Variants in BRINP3 observed in about 807,000 individuals in gnomAD.
BRINP3 encodes BMP/retinoic acid-inducible neural-specific protein 3.
A neutral mutation model predicts 71.0 loss-of-function variants in BRINP3; 19 were observed. That is an observed-to-expected ratio of 0.27 (90% confidence interval 0.19 to 0.39). BRINP3 has a LOEUF of 0.39. Ranked by LOEUF, BRINP3 falls within the 10% of genes least tolerant of loss-of-function variation. The pLI is 1.00. For synonymous variants in BRINP3, 380 were observed against 337.7 expected, an observed-to-expected ratio of 1.13 and a Z score of -1.37; for missense variants, 959 against 940.8, an observed-to-expected ratio of 1.02 and a Z score of -0.25.
intron 2 of BRINP3, among the ~76,000 whole-genome samples, chr1:190,364,842 A>T (rs1417833121): frequency 6.6e-6 from 1 of 152,160 alleles, no homozygotes; most frequent in Non-Finnish European, 1.5e-5. Flanking sequence ...AAGTCTAAAG[A>T]TATAATTTGA....
chr1:190,373,954 A>G (rs2102207462), intron 2 of BRINP3, among the ~76,000 whole-genome samples: 1 of 151,296 alleles, frequency 6.6e-6, no homozygotes, highest in Non-Finnish European at 1.5e-5. Flanking sequence ...AGCGTAGCCC[A>G]AGAAGCTATT....
chr1:190,253,788 A>T lies in BRINP3; in HGVS notation c.618+11077T>A, dbSNP rs1030214868. 5.3e-5 allele frequency among the ~76,000 whole-genome samples: 8 copies of T among 151,194 alleles called. 1 individual carries two copies. Among genetic ancestry groups the T allele is most frequent in the Admixed American group, 3.3e-4 (5 of 15,138 alleles). ...CGAAGTTCTTTAGTTTAATTTGTGT[A>T]TTTTGGCTTTTGTTGCCATTGCTTT... is the stretch of plus-strand genomic sequence containing the variant. On this transcript the variant is annotated intron_variant, in intron 4 of 7. Coordinates refer to ENST00000367462, the MANE Select transcript of BRINP3 (RefSeq NM_199051.3).
chr1:190,132,448 G>A (rs1654620287), intron 7 of BRINP3, among the ~76,000 whole-genome samples: 2 of 151,972 alleles, frequency 1.3e-5, no homozygotes, highest in African/African-American at 4.8e-5. Flanking sequence ...TCATTTCAAT[G>A]TATCTTTATC....
rs147137449 is a variant in BRINP3 at position 190,249,042 on chromosome 1, T to A, written c.619-14565A>T. 3.5e-4 allele frequency among the ~76,000 whole-genome samples: 53 copies of A among 151,888 alleles called. No homozygotes were observed. In the East Asian group the frequency reaches 8.9e-3, roughly 26 times the overall value. ...TTTGTGGGATGCCTCAGAGTATGTGTTGCTATTTTTTTTTCTTTATTTGCT... is the reference window on the plus strand; with the variant it reads ...TTTGTGGGATGCCTCAGAGTATGTGATGCTATTTTTTTTTCTTTATTTGCT... On this transcript the variant is annotated intron_variant, in intron 4 of 7. Coordinates refer to ENST00000367462, the MANE Select transcript of BRINP3 (RefSeq NM_199051.3).
chr1:190,385,683 G>A (rs1399507358), intron 2 of BRINP3, among the ~76,000 whole-genome samples: 1 of 151,972 alleles, frequency 6.6e-6, no homozygotes, highest in East Asian at 1.9e-4. Flanking sequence ...CGATTCCTCA[G>A]GGATCTAGAA....
chr1:190,264,127 C>T (rs1450356537), intron 4 of BRINP3, among the ~76,000 whole-genome samples: 1 of 152,108 alleles, frequency 6.6e-6, no homozygotes, highest in Non-Finnish European at 1.5e-5. Flanking sequence ...CCTAATTTGC[C>T]AGAGAATATG....
At chr1:190,372,958 CAG>C (rs1412358695) in intron 2 of BRINP3, among the ~76,000 whole-genome samples, 3 of 151,910 alleles carry the variant, frequency 2.0e-5, no homozygotes, top group Non-Finnish European at 4.4e-5. Context: ...TATTGACTAA[CAG>C]GGGTATATTC....
intron 6 of BRINP3, among the ~76,000 whole-genome samples, chr1:190,171,746 T>C (rs1430426064): frequency 6.6e-6 from 1 of 152,084 alleles, no homozygotes; most frequent in Non-Finnish European, 1.5e-5. Flanking sequence ...TACACATAAC[T>C]AGGAAGAATG....
rs1558129183 is a variant in BRINP3 at position 190,269,856 on chromosome 1, C to T, written c.428-4801G>A. On this transcript the variant is annotated intron_variant, in intron 3 of 7. Transcript: ENST00000367462. Reference sequence around the variant, plus strand: ...TACAGGGAACATTGGCAATATATATCAATAATCTACTCCACAATCCTACTT... The same window carrying T: ...TACAGGGAACATTGGCAATATATATTAATAATCTACTCCACAATCCTACTT... 2.0e-5 allele frequency among the ~76,000 whole-genome samples: 3 copies of T among 152,010 alleles called. No individual in the cohort carries two copies. The East Asian group carries it at 5.8e-4, about 29-fold the overall frequency.
At chr1:190,167,528 C>A (rs953774116) in intron 6 of BRINP3, among the ~76,000 whole-genome samples, 4 of 152,116 alleles carry the variant, frequency 2.6e-5, no homozygotes, top group African/African-American at 7.2e-5. Flanking sequence ...ATTCAAAGTA[C>A]AGAATGAATG....
intron 2 of BRINP3, among the ~76,000 whole-genome samples, chr1:190,291,174 C>T (rs1663838293): frequency 6.6e-6 from 1 of 151,956 alleles, no homozygotes; most frequent in Non-Finnish European, 1.5e-5. Context: ...CTTAAAGGGC[C>T]TTTGAGAGTA....
intron 2 of BRINP3, among the ~76,000 whole-genome samples, chr1:190,428,297 G>A (rs139022565): frequency 6.6e-6 from 1 of 151,826 alleles, no homozygotes; most frequent in Non-Finnish European, 1.5e-5. Flanking sequence ...TTTGTTAACA[G>A]CAACAATAGA....
At chr1:190,378,603 T>C (rs1048592768) in intron 2 of BRINP3, among the ~76,000 whole-genome samples, 1 of 152,218 alleles carries the variant, frequency 6.6e-6, no homozygotes, top group Non-Finnish European at 1.5e-5. Context: ...TAAAGGTTAA[T>C]GTTTGTGTTT....
chr1:190,325,624 G>A (rs1245798596), intron 2 of BRINP3, among the ~76,000 whole-genome samples: 2 of 152,016 alleles, frequency 1.3e-5, no homozygotes, highest in Non-Finnish European at 2.9e-5. Context: ...CACTCGATAA[G>A]GTTGTCTTGA....
intron 2 of BRINP3, among the ~76,000 whole-genome samples, chr1:190,297,203 G>A (rs889634633): frequency 6.6e-6 from 1 of 151,852 alleles, no homozygotes; most frequent in Admixed American, 6.6e-5. Flanking sequence ...TGTATAACAA[G>A]ACACATAATA....
rs78956248 is a variant in BRINP3 at position 190,322,916 on chromosome 1, A to G, written c.237-41166T>C. ...CACATTAATTATCTCGTTTAATTTG[A>G]TCAGCTCTTTTAAAGAGCGGGTGAT... On this transcript the variant is annotated intron_variant, in intron 2 of 7. Transcript: ENST00000367462. Among the ~76,000 whole-genome samples, 409 of 152,134 alleles carry G rather than the reference A, an allele frequency of 2.7e-3. 3 individuals are homozygous for G. Among genetic ancestry groups the G allele is most frequent in the African/African-American group, 9.4e-3 (390 of 41,538 alleles).
intron 2 of BRINP3, among the ~76,000 whole-genome samples, chr1:190,288,269 C>A (rs1410783257): frequency 6.6e-6 from 1 of 151,704 alleles, no homozygotes; most frequent in Non-Finnish European, 1.5e-5. Flanking sequence ...ATAGACATAT[C>A]TGAGCTAAAA....
intron 2 of BRINP3, among the ~76,000 whole-genome samples, chr1:190,334,268 C>T (rs1355025707): frequency 1.3e-5 from 2 of 151,736 alleles, no homozygotes; most frequent in Non-Finnish European, 2.9e-5. Flanking sequence ...CCTGCCCACG[C>T]TACGTTCAAG....
chr1:190,161,568 C>T (rs1650960604), intron 6 of BRINP3, among the ~76,000 whole-genome samples: 1 of 151,902 alleles, frequency 6.6e-6, no homozygotes, highest in African/African-American at 2.4e-5. Context: ...GAAATATTGG[C>T]TTTTGTTTTT....
Sources: gnomAD v4.1 joint callset for allele counts (sites outside exome capture counted in the v4.1 genomes callset) on GRCh38, gnomAD v4.1.1 for gene constraint, MANE v1.5 for transcripts, NCBI Gene and HGNC (gene_info 2026-07-23, HGNC 2026-07-21) for gene names.